The following LDB2 variants were observed in gnomAD, a reference collection of about 807,000 sequenced individuals.
LDB2 encodes LIM domain binding 2, also known as LIM domain-binding protein 2.
LDB2 carries 12 observed loss-of-function variants against 44.3 expected under a neutral mutation model. The ratio of observed to expected loss-of-function variants is 0.27; its 90% CI spans 0.17 to 0.44. The LOEUF is 0.44. Among genes scored for constraint, LDB2 ranks in the 20% least tolerant of loss-of-function variants. LDB2 has a pLI of 1.00. For synonymous variants in LDB2, 164 were observed against 174.8 expected (o/e 0.94, Z 0.49); for missense variants, 344 against 473.5 (o/e 0.73, Z 2.54).
chr4:16,688,266 T>A (rs962307360), intron 2 of LDB2, among the ~76,000 whole-genome samples: 1 of 152,168 alleles, frequency 6.6e-6, no homozygotes, highest in South Asian at 2.1e-4. Flanking sequence ...GAAACCCTCA[T>A]GAAATAAAAA....
Position 16,541,776 on chromosome 4 carries a change from C to T in LDB2, c.616-29672G>A, listed in dbSNP as rs544897398. On this transcript the variant is annotated intron_variant, in intron 5 of 7. Transcript: ENST00000304523. Reference sequence around the variant, plus strand: ...CATCTATCACATAAAACATAAATGACAAAGTTTGGTAATTTGGCTACCATG... The same window carrying T: ...CATCTATCACATAAAACATAAATGATAAAGTTTGGTAATTTGGCTACCATG... 1.1e-4 allele frequency among the ~76,000 whole-genome samples: 17 copies of T among 152,206 alleles called. 1 individual carries two copies. The highest frequency in any genetic ancestry group is 6.2e-4 in the South Asian group (3 of 4,824).
chr4:16,595,308 T>C lies in LDB2; in HGVS notation c.408+395A>G, dbSNP rs148244191. On this transcript the variant is annotated intron_variant, in intron 3 of 7. Coordinates refer to ENST00000304523, the MANE Select transcript of LDB2 (RefSeq NM_001290.5). ...GATTCTTCCCTTATTCAAATTTGAA[T>C]CCAGCTCTAAAAAGTTATTTCAGTA... is the stretch of plus-strand genomic sequence containing the variant. 3.0e-3 allele frequency among the ~76,000 whole-genome samples: 461 copies of C among 152,224 alleles called. 2 individuals carry two copies. The highest frequency in any genetic ancestry group is 0.01 in the African/African-American group (435 of 41,550).
chr4:16,837,562 G>T (rs553608651), intron 1 of LDB2, among the ~76,000 whole-genome samples: 1 of 152,306 alleles, frequency 6.6e-6, no homozygotes, highest in South Asian at 2.1e-4. Context: ...GAAGTCACTT[G>T]CACACTAGGA....
intron 1 of LDB2, among the ~76,000 whole-genome samples, chr4:16,850,947 A>AGTGTGTGTGTGTGTGT (rs71181193): frequency 0.032 from 4,634 of 143,070 alleles, 207 homozygotes; most frequent in African/African-American, 0.091. Context: ...TAAAACCATA[A>AGTGTGTGTGTGTGTGT]GTGTGTGTGT....
chr4:16,716,734 A>G (rs1259290012), intron 2 of LDB2, among the ~76,000 whole-genome samples: 1 of 152,154 alleles, frequency 6.6e-6, no homozygotes, highest in African/African-American at 2.4e-5. Flanking sequence ...ACCGTACCCT[A>G]GAATTTCTCA....
chr4:16,871,163 T>C (rs1472021952), intron 1 of LDB2, among the ~76,000 whole-genome samples: 1 of 152,212 alleles, frequency 6.6e-6, no homozygotes, highest in Admixed American at 6.5e-5. Context: ...TTGCTACATG[T>C]TACTATTATT....
At chr4:16,546,550 G>A (rs1406812885) in intron 5 of LDB2, among the ~76,000 whole-genome samples, 1 of 152,112 alleles carries the variant, frequency 6.6e-6, no homozygotes, top group Admixed American at 6.5e-5. Context: ...TGGGTTTTTC[G>A]AGGCTGCTAT....
intron 2 of LDB2, among the ~76,000 whole-genome samples, chr4:16,741,806 A>G (rs1015091415): frequency 2.0e-5 from 3 of 152,314 alleles, no homozygotes; most frequent in African/African-American, 7.2e-5. Flanking sequence ...ATCAAAACTA[A>G]AATTCATTAA....
At chr4:16,866,683 G>A (rs1419140618) in intron 1 of LDB2, among the ~76,000 whole-genome samples, 3 of 151,976 alleles carry the variant, frequency 2.0e-5, no homozygotes, top group Non-Finnish European at 4.4e-5. Context: ...CTGGACATAG[G>A]GAAAAAAATC....
intron 2 of LDB2, among the ~76,000 whole-genome samples, chr4:16,753,311 C>T (rs117659030): frequency 0.016 from 2,406 of 152,234 alleles, 38 homozygotes; most frequent in East Asian, 0.064. Flanking sequence ...AGTAGAGAAA[C>T]AGAAACCGGA....
chr4:16,692,034 T>C (rs1350318308), intron 2 of LDB2, among the ~76,000 whole-genome samples: 3 of 152,180 alleles, frequency 2.0e-5, no homozygotes, highest in Non-Finnish European at 4.4e-5. Flanking sequence ...ATCTGTGGCA[T>C]TGGTGACATC....
At chr4:16,672,804 C>CT (rs2152559363) in intron 2 of LDB2, among the ~76,000 whole-genome samples, 1 of 144,390 alleles carries the variant, frequency 6.9e-6, no homozygotes, top group African/African-American at 2.7e-5. Flanking sequence ...AAGAGAAGAA[C>CT]TGCTTGCGTG....
rs199547513 is a variant in LDB2 at position 16,842,428 on chromosome 4, TAA to T, written c.132+55924_132+55925del. On this transcript the variant is annotated intron_variant, in intron 1 of 7. Transcript: ENST00000304523. ...CTTATTCAGTACATTTTCTGTAAAT[TAA>T]AAAAAAAATCCATGCTCTAAACAGT... 1.1e-4 allele frequency among the ~76,000 whole-genome samples: 17 copies of T among 149,942 alleles called. No individual in the cohort carries two copies. The East Asian group carries it at 1.9e-3, about 17-fold the overall frequency.
At chr4:16,512,442 A>AAAACAAAC (rs3069348) in intron 5 of LDB2, among the ~76,000 whole-genome samples, 1 of 127,908 alleles carries the variant, frequency 7.8e-6, no homozygotes, top group African/African-American at 2.8e-5. Context: ...TTTCTGGTTA[A>AAAACAAAC]AAACAAACAA....
intron 1 of LDB2, among the ~76,000 whole-genome samples, chr4:16,838,380 C>A (rs1003983922): frequency 6.6e-6 from 1 of 152,158 alleles, no homozygotes; most frequent in African/African-American, 2.4e-5. Context: ...ATGAGGGCAC[C>A]TTTCACCATA....
intron 2 of LDB2, among the ~76,000 whole-genome samples, chr4:16,705,874 T>A (rs1201331215): frequency 3.3e-5 from 5 of 152,146 alleles, no homozygotes; most frequent in Admixed American, 3.3e-4. Context: ...AGATATAAAT[T>A]TAAGATAAAG....
chr4:16,894,873 C>T (rs1724456448), intron 1 of LDB2, among the ~76,000 whole-genome samples: 2 of 152,102 alleles, frequency 1.3e-5, no homozygotes, highest in African/African-American at 4.8e-5. Context: ...CCAAACTGGA[C>T]CTTCAAGTTT....
chr4:16,714,345 C>T (rs1756577211), intron 2 of LDB2, among the ~76,000 whole-genome samples: 1 of 152,198 alleles, frequency 6.6e-6, no homozygotes, highest in Non-Finnish European at 1.5e-5. Context: ...TGTGAGGAAT[C>T]CCACTCCACT....
chr4:16,746,459 A>C (rs987280736), intron 2 of LDB2, among the ~76,000 whole-genome samples: 1 of 152,166 alleles, frequency 6.6e-6, no homozygotes, highest in Non-Finnish European at 1.5e-5. Context: ...TCCAAAGGGA[A>C]AAAGGTAATA....
Sources: gnomAD v4.1 joint callset for allele counts (sites outside exome capture counted in the v4.1 genomes callset) on GRCh38, gnomAD v4.1.1 for gene constraint, MANE v1.5 for transcripts, NCBI Gene and HGNC (gene_info 2026-07-23, HGNC 2026-07-21) for gene names.